The following ADGRD1 variants were observed in gnomAD, a reference collection of about 807,000 sequenced individuals.
ADGRD1 encodes G-protein coupled receptor 133.
In ADGRD1, 77 loss-of-function variants were observed where a neutral mutation model predicts 113.4. The ratio of observed to expected loss-of-function variants is 0.68; its 90% CI spans 0.57 to 0.82. The LOEUF is 0.82. ADGRD1 is among the 40% of genes least tolerant of loss of function. ADGRD1 has a pLI of 0.00. For synonymous variants in ADGRD1, 474 were observed against 475.0 expected (o/e 1.00, Z 0.03); for missense variants, 1,036 against 1,139.1 (o/e 0.91, Z 1.30).
At position 130,954,391 on chromosome 12, in the gene ADGRD1, G is replaced by T; in HGVS notation, c.-75G>T. 7.8e-7 allele frequency: 1 copy of T among 1,288,162 alleles called. No homozygotes were observed. Among genetic ancestry groups the T allele is most frequent in the Non-Finnish European group, 1.1e-6 (1 of 933,624 alleles). 79.8% of individuals were successfully genotyped at this position (1,288,162 alleles called of 1,614,324 possible). A position where few individuals can be genotyped will look rare whatever the true frequency, so the allele number is the denominator to read the frequency against. ...GAAAATGTCCCTTTTCCAAGGAAGT[G>T]AAGGTTAAGAGGTCCCGTTCTCACA... is the stretch of plus-strand genomic sequence containing the variant. On this transcript the variant is annotated 5_prime_UTR_variant, in exon 1 of 25. An upstream open reading frame in the 5' UTR gains an earlier in-frame stop. Coordinates refer to ENST00000261654, the MANE Select transcript of ADGRD1 (RefSeq NM_198827.5). This position sits in a 1 kb window ranked among gnomAD's most constrained non-coding sequence, Gnocchi z 4.7.
intron 4 of ADGRD1, among the ~76,000 whole-genome samples, chr12:130,972,307 G>A (rs1196645203): frequency 6.6e-6 from 1 of 152,154 alleles, no homozygotes; most frequent in Non-Finnish European, 1.5e-5. Flanking sequence ...TGAAAGTTAT[G>A]ATTTCTAGGG....
At chr12:130,976,716 C>T (rs1872358021) in intron 4 of ADGRD1, 1 of 152,042 alleles carries the variant, frequency 6.6e-6, no homozygotes, top group South Asian at 2.1e-4. Context: ...CAGTGTTTTT[C>T]TTTTAAAATT....
At chr12:131,002,192 C>G (rs1345106121) in intron 9 of ADGRD1, among the ~76,000 whole-genome samples, 1 of 152,086 alleles carries the variant, frequency 6.6e-6, no homozygotes, top group Non-Finnish European at 1.5e-5. Flanking sequence ...TTTTAATTAA[C>G]TGCTTTTGAA....
intron 13 of ADGRD1, among the ~76,000 whole-genome samples, chr12:131,044,810 C>G (rs1160504819): frequency 6.6e-6 from 1 of 152,254 alleles, no homozygotes; most frequent in African/African-American, 2.4e-5. Context: ...GGGAGACTTC[C>G]TTCCAGCACA....
intron 4 of ADGRD1, among the ~76,000 whole-genome samples, chr12:130,979,064 G>A (rs947133594): frequency 6.6e-6 from 1 of 152,230 alleles, no homozygotes; most frequent in Non-Finnish European, 1.5e-5. Context: ...CGTTCATGAG[G>A]TGGGTGTGGG....
At position 130,986,278 on chromosome 12, in the gene ADGRD1, T is replaced by C. The variant is rs138915610; in HGVS notation, c.491-817T>C. On this transcript the variant is annotated intron_variant, in intron 5 of 24. Coordinates refer to ENST00000261654, the MANE Select transcript of ADGRD1 (RefSeq NM_198827.5). Reference sequence around the variant, plus strand: ...TCACAACATTGAGTCTTTCTGTCCATGAATATGGAATATCTCTCCATTTAT... The same window carrying C: ...TCACAACATTGAGTCTTTCTGTCCACGAATATGGAATATCTCTCCATTTAT... Among the ~76,000 whole-genome samples the C allele has an allele frequency of 2.5e-3, 383 of 152,376 alleles. 2 individuals carry two copies. The highest frequency in any genetic ancestry group is 8.6e-3 in the African/African-American group (357 of 41,586).
chr12:131,011,097 AC>A (rs1877812666), intron 12 of ADGRD1, among the ~76,000 whole-genome samples: 1 of 48,884 alleles, frequency 2.0e-5, no homozygotes, highest in Non-Finnish European at 4.1e-5. Flanking sequence ...GCCCCACCTC[AC>A]CCCTGCCCCA....
intron 12 of ADGRD1, among the ~76,000 whole-genome samples, chr12:131,011,464 A>G (rs1261825789): frequency 6.6e-6 from 1 of 151,992 alleles, no homozygotes; most frequent in Non-Finnish European, 1.5e-5. Context: ...CTGTGAGTAG[A>G]TTCATCCACT....
chr12:131,034,806 G>A (rs1015661981), intron 13 of ADGRD1, among the ~76,000 whole-genome samples: 2 of 152,234 alleles, frequency 1.3e-5, no homozygotes, highest in African/African-American at 2.4e-5. Context: ...ACCTGGTCAC[G>A]TCACCTTGGA....
intron 13 of ADGRD1, among the ~76,000 whole-genome samples, chr12:131,062,157 C>T (rs1566075370): frequency 6.6e-6 from 1 of 152,046 alleles, no homozygotes; most frequent in South Asian, 2.1e-4. Context: ...CTCCCAAGCC[C>T]GGCTCATTTT....
chr12:131,044,397 G>A (rs1265525816), intron 13 of ADGRD1, among the ~76,000 whole-genome samples: 1 of 152,166 alleles, frequency 6.6e-6, no homozygotes, highest in African/African-American at 2.4e-5. Flanking sequence ...TTCCCCCCTT[G>A]ACAGGAGAGG....
Position 131,138,222 on chromosome 12 carries a change from C to G in ADGRD1, c.2522C>G (p.Ser841Trp), listed in dbSNP as rs765449848. ...ACCTCCAACGCGAAGCCCTTCCACT[C>G]GGACCTCGTGAGTGCAGCCTCCATA... ...ARTSNAKPFH[S>W]DLMNGTRPGM... Residue 841 changes from serine to tryptophan, a missense_variant, in exon 24 of 25, where the codon TCG becomes TGG. Physicochemically the swap from Ser to Trp is radical, Grantham distance 177. Transcript: ENST00000261654. 4 of 1,612,906 alleles carry G rather than the reference C, an allele frequency of 2.5e-6. No individual in the cohort carries two copies. The highest frequency in any genetic ancestry group is 3.4e-6 in the Non-Finnish European group (4 of 1,179,540).
At chr12:131,082,284 T>A (rs1329021745) in intron 14 of ADGRD1, among the ~76,000 whole-genome samples, 1 of 152,220 alleles carries the variant, frequency 6.6e-6, no homozygotes, top group Non-Finnish European at 1.5e-5. Context: ...TCCTGGGTCA[T>A]AGGGCCGTAC....
At chr12:131,100,823 T>C (rs1381016944) in intron 15 of ADGRD1, among the ~76,000 whole-genome samples, 1 of 152,238 alleles carries the variant, frequency 6.6e-6, no homozygotes, top group African/African-American at 2.4e-5. Context: ...GTCAGCCCAC[T>C]GGAACCTCAC....
In ADGRD1 at chr12:130,995,092, G is replaced by T. The variant is rs369616604; in HGVS notation, c.966+2700G>T. Among the ~76,000 whole-genome samples the T allele has an allele frequency of 9.8e-5, 15 of 152,342 alleles. No homozygotes were observed. In the East Asian group the frequency reaches 1.4e-3, roughly 14 times the overall value. ...CATTGTGGCCCACACCACCCAGCAGGTCCCTGAACTGAGTGTGATAGGGTG... is the reference window on the plus strand; with the variant it reads ...CATTGTGGCCCACACCACCCAGCAGTTCCCTGAACTGAGTGTGATAGGGTG... On this transcript the variant is annotated intron_variant, in intron 8 of 24. Coordinates refer to ENST00000261654, the MANE Select transcript of ADGRD1 (RefSeq NM_198827.5).
At position 130,965,892 on chromosome 12, in the gene ADGRD1, G is replaced by C. The variant is rs1870948556; in HGVS notation, c.104-571G>C. Among the ~76,000 whole-genome samples, 1 of 152,202 alleles carries C rather than the reference G, an allele frequency of 6.6e-6. No individual in the cohort carries two copies. The highest frequency in any genetic ancestry group is 6.5e-5 in the Admixed American group (1 of 15,286). ...AAAGTGAGTATTGCGTCTACAATGAGCTGGCAGTGTGATTTTGTGCAAGAC... is the reference window on the plus strand; with the variant it reads ...AAAGTGAGTATTGCGTCTACAATGACCTGGCAGTGTGATTTTGTGCAAGAC... On this transcript the variant is annotated intron_variant, in intron 2 of 24. Transcript: ENST00000261654. The surrounding 1 kb of genome is among the most constrained non-coding windows in gnomAD (Gnocchi z 4.8).
intron 13 of ADGRD1, among the ~76,000 whole-genome samples, chr12:131,020,390 C>T (rs1879191578): frequency 6.6e-6 from 1 of 152,224 alleles, no homozygotes; most frequent in African/African-American, 2.4e-5. Context: ...CAGGCCAGGA[C>T]CCCAAGCTCC....
intron 13 of ADGRD1, among the ~76,000 whole-genome samples, chr12:131,039,460 C>G (rs1881890477): frequency 6.6e-6 from 1 of 152,278 alleles, no homozygotes; most frequent in African/African-American, 2.4e-5. Flanking sequence ...AAAAGTCACA[C>G]AGAGTTCACG....
intron 13 of ADGRD1, among the ~76,000 whole-genome samples, chr12:131,019,174 G>A (rs893378139): frequency 3.9e-5 from 6 of 152,194 alleles, no homozygotes; most frequent in Non-Finnish European, 7.3e-5. Context: ...CTGGTGGACC[G>A]GCTCCTGCTG....
Sources: gnomAD v4.1 joint callset for allele counts (sites outside exome capture counted in the v4.1 genomes callset) on GRCh38, gnomAD v4.1.1 for gene constraint, Gnocchi (gnomAD v3.1) non-coding constraint, MANE v1.5 for transcripts, NCBI Gene and HGNC (gene_info 2026-07-23, HGNC 2026-07-21) for gene names.